DOK7: variants seen among roughly 807,000 people sequenced by gnomAD.
The protein encoded by DOK7 is protein Dok-7.
DOK7 carries 32 observed loss-of-function variants against 30.7 expected under a neutral mutation model. The observed-to-expected ratio is 1.04, with a 90% CI of 0.79 to 1.40. The LOEUF is 1.40. Among genes scored for constraint, DOK7 ranks in the 40% most tolerant of loss-of-function variants. DOK7 has a pLI of 0.00. For synonymous variants in DOK7, 447 were observed against 324.1 expected (o/e 1.38, Z -4.07); for missense variants, 1,007 against 699.2 (o/e 1.44, Z -4.97).
exon 8 of DOK7, chr4:3,500,878 G>GC (rs1443631466): frequency 4.7e-6 from 7 of 1,474,268 alleles, no homozygotes; most frequent in Non-Finnish European, 1.8e-6. Flanking sequence ...CGGCCCCGTG[G>GC]CCCCCGGCAG....
At chr4:3,465,472 G>C (rs1464491643) in intron 2 of DOK7, among the ~76,000 whole-genome samples, 1 of 152,236 alleles carries the variant, frequency 6.6e-6, no homozygotes, top group African/African-American at 2.4e-5. Flanking sequence ...GTGAGGGAGA[G>C]AGGAAGGGTC....
At chr4:3,489,132 A>C (rs1453855755) in intron 5 of DOK7, among the ~76,000 whole-genome samples, 3 of 152,046 alleles carry the variant, frequency 2.0e-5, no homozygotes, top group Admixed American at 2.0e-4. Flanking sequence ...GGGAGGGGCT[A>C]GGTGGGGCCG....
At chr4:3,475,265 G>A (rs368750446) in intron 3 of DOK7, among the ~76,000 whole-genome samples, 1 of 152,256 alleles carries the variant, frequency 6.6e-6, no homozygotes, top group Non-Finnish European at 1.5e-5. Context: ...ATCCGCTGGC[G>A]CAGGGCCATG....
At chr4:3,490,536 C>T (rs1292339047) in intron 6 of DOK7, among the ~76,000 whole-genome samples, 3 of 87,204 alleles carry the variant, frequency 3.4e-5, no homozygotes, top group African/African-American at 1.1e-4. Flanking sequence ...CCCGCTCATT[C>T]GTTCCTTCCT....
chr4:3,499,204 G>A (rs1198398003), downstream of DOK7, among the ~76,000 whole-genome samples: 1 of 152,216 alleles, frequency 6.6e-6, no homozygotes, highest in Admixed American at 6.5e-5. Flanking sequence ...AGGTGTTTCA[G>A]GGAGGCCGAC....
chr4:3,465,709 G>A (rs1229015178), intron 2 of DOK7, among the ~76,000 whole-genome samples: 1 of 152,220 alleles, frequency 6.6e-6, no homozygotes, highest in Admixed American at 6.5e-5. Context: ...AGTGGACGTC[G>A]GGCCGTCTGC....
At chr4:3,490,396 G>GTCCATTACCCTCCTGCTCATTCAT (rs1728215561) in intron 6 of DOK7, among the ~76,000 whole-genome samples, 1 of 44,346 alleles carries the variant, frequency 2.3e-5, no homozygotes, top group Admixed American at 2.7e-4. Context: ...TGCTCATTCA[G>GTCCATTACCCTCCTGCTCATTCAT]TCCTTCTTTC....
chr4:3,489,889 G>T (rs759554399), intron 6 of DOK7, 93 bp downstream of exon 6: 5 of 1,496,452 alleles, frequency 3.3e-6, no homozygotes, highest in Non-Finnish European at 4.5e-6. Flanking sequence ...GGGGCTGCAG[G>T]CTCCCTCTGC....
At position 3,473,498 on chromosome 4, in the gene DOK7, C is replaced by T. The variant is rs546630800; in HGVS notation, c.193C>T (p.Leu65=). 17 of 1,611,202 alleles carry T rather than the reference C, an allele frequency of 1.1e-5. No individual in the cohort carries two copies. The East Asian group carries it at 3.1e-4, about 30-fold the overall frequency. ...SSLTLEDICG[L]EPGLPYEGLV... ...CCTGACGCTAGAGGACATCTGCGGGCTGGAGCCCGGCCTGCCCTACGAGGG... is the reference window on the plus strand; with the variant it reads ...CCTGACGCTAGAGGACATCTGCGGGTTGGAGCCCGGCCTGCCCTACGAGGG... Residue 65 remains leucine (L), a synonymous_variant, in exon 3 of 7, where the codon CTG becomes TTG. Coordinates refer to ENST00000340083, the MANE Select transcript of DOK7 (RefSeq NM_173660.5).
chr4:3,466,523 C>T lies in DOK7; in HGVS notation c.100+2972C>T, dbSNP rs150412140. ...CCTGTGCGTCTGGCTCCTGCCCCAA[C>T]GGACTGGGGCTGACATCCCAGCTCC... On this transcript the variant is annotated intron_variant, in intron 2 of 6. Coordinates refer to ENST00000340083, the MANE Select transcript of DOK7 (RefSeq NM_173660.5). 1.0e-3 allele frequency among the ~76,000 whole-genome samples: 153 copies of T among 152,314 alleles called. 4 individuals are homozygous for T. The East Asian group carries it at 0.02, about 20-fold the overall frequency.
chr4:3,485,750 A>T (rs1727739701), intron 5 of DOK7, 92 bp downstream of exon 5: 1 of 1,357,226 alleles, frequency 7.4e-7, no homozygotes. Flanking sequence ...TGTCAGCCCC[A>T]GTTAGATGGC....
chr4:3,483,684 G>A (rs984813445), intron 4 of DOK7, among the ~76,000 whole-genome samples: 3 of 152,182 alleles, frequency 2.0e-5, no homozygotes, highest in East Asian at 1.9e-4. Context: ...TCATTGTCCC[G>A]TGGCCACTGC....
At position 3,476,247 on chromosome 4, in the gene DOK7, AC is replaced by A. The variant is rs1159895451; in HGVS notation, c.332-91del. 89 of 454,450 alleles carry A rather than the reference AC, an allele frequency of 2.0e-4. 2 individuals are homozygous for A. In the East Asian group the frequency reaches 5.5e-3, roughly 28 times the overall value. 28.2% of individuals were successfully genotyped at this position (454,450 alleles called of 1,614,324 possible). A position where few individuals can be genotyped will look rare whatever the true frequency, so the allele number is the denominator to read the frequency against. Reference sequence around the variant, plus strand: ...CCCCGCCTGCCCGTGATGCCCTCTCACCCCACCCGCCCGTGATGCCCTCTCA... The same window carrying A: ...CCCCGCCTGCCCGTGATGCCCTCTCACCCACCCGCCCGTGATGCCCTCTCA... On this transcript the variant is annotated intron_variant, in intron 3 of 6. Coordinates refer to ENST00000340083, the MANE Select transcript of DOK7 (RefSeq NM_173660.5).
chr4:3,498,204 G>A (rs1203101489), downstream of DOK7, among the ~76,000 whole-genome samples: 1 of 152,296 alleles, frequency 6.6e-6, no homozygotes, highest in African/African-American at 2.4e-5. Context: ...CGAGGTACTG[G>A]AAGCGATGCT....
chr4:3,468,863 G>C (rs1051744167), intron 2 of DOK7, among the ~76,000 whole-genome samples: 6 of 144,134 alleles, frequency 4.2e-5, no homozygotes, highest in Admixed American at 2.0e-4. Context: ...GCGTATGAGT[G>C]TGCATGCCTG....
intron 4 of DOK7, chr4:3,484,623 C>T (rs1364875363): frequency 8.1e-6 from 8 of 985,484 alleles, no homozygotes; most frequent in African/African-American, 5.2e-5. Context: ...GGCTTCTCCA[C>T]GGGTGGCGGC....
At chr4:3,472,487 C>A (rs1726815625) in intron 2 of DOK7, among the ~76,000 whole-genome samples, 1 of 152,218 alleles carries the variant, frequency 6.6e-6, no homozygotes, top group African/African-American at 2.4e-5. Context: ...TGGGAGGAGG[C>A]CTGGTCATCA....
intron 4 of DOK7, 30 bp from the exon 5 acceptor site, chr4:3,485,509 G>C: frequency 6.4e-7 from 1 of 1,554,368 alleles, no homozygotes; most frequent in Non-Finnish European, 8.7e-7. Context: ...CCTCGGGCCA[G>C]ACTGACCTGT....
rs1019713347 is a variant in DOK7 at position 3,492,880 on chromosome 4, G to T, written c.894G>T (p.Gly298=). 4 of 1,600,570 alleles carry T rather than the reference G, an allele frequency of 2.5e-6. No homozygotes were observed. The highest frequency in any genetic ancestry group is 2.6e-6 in the Non-Finnish European group (3 of 1,175,390). Residue 298 remains glycine, a synonymous_variant, in exon 7 of 7, where the codon GGG becomes GGT. Coordinates refer to ENST00000340083, the MANE Select transcript of DOK7 (RefSeq NM_173660.5). ...CGTCAGCCAGCACGTCACAGGAGGG[G>T]CCTAGACCAGCAGCTGCCCAGGCCG... ...SSSSASTSQE[G]PRPAAAQAAG... is the part of the protein sequence containing the mutation.
Sources: allele counts gnomAD v4.1 joint callset (sites outside exome capture counted in the v4.1 genomes callset), GRCh38; gene constraint gnomAD v4.1.1; transcripts MANE v1.5; gene names NCBI Gene and HGNC (gene_info 2026-07-23, HGNC 2026-07-21).